The following TRHDE variants were observed in gnomAD, a reference collection of about 807,000 sequenced individuals.
TRHDE encodes the protein thyrotropin releasing hormone degrading enzyme, also known as thyrotropin-releasing hormone-degrading ectoenzyme.
TRHDE carries 72 observed loss-of-function variants against 125.7 expected under a neutral mutation model. That is an observed-to-expected ratio of 0.57 (90% CI 0.47 to 0.70). TRHDE has a LOEUF of 0.70. Among genes scored for constraint, TRHDE ranks in the 30% least tolerant of loss-of-function variants. The pLI, the probability that TRHDE is intolerant of heterozygous loss-of-function variation, is 0.00. For missense variants in TRHDE, 1,110 were observed against 1,327.1 expected (o/e 0.84, Z 2.54); for synonymous variants, 509 against 509.1 (o/e 1.00, Z 0.00).
chr12:72,310,807 A>G (rs118054961), intron 2 of TRHDE, among the ~76,000 whole-genome samples: 361 of 152,184 alleles, frequency 2.4e-3, no homozygotes, highest in Non-Finnish European at 4.0e-3. Context: ...AATCAATACC[A>G]ATTTCAGCTT....
chr12:72,212,240 A>G (rs1291425312), intron 2 of TRHDE, among the ~76,000 whole-genome samples: 3 of 152,148 alleles, frequency 2.0e-5, no homozygotes, highest in Non-Finnish European at 4.4e-5. Flanking sequence ...ACAAAACAAT[A>G]AAATTGAACC....
At chr12:72,128,824 G>A (rs1346792227) in intron 2 of TRHDE, among the ~76,000 whole-genome samples, 7 of 152,062 alleles carry the variant, frequency 4.6e-5, no homozygotes, top group East Asian at 1.9e-4. Context: ...CATGTAATTC[G>A]GGTCTCTAAA....
intron 3 of TRHDE, among the ~76,000 whole-genome samples, chr12:72,454,944 T>A (rs1367208329): frequency 2.0e-5 from 3 of 151,938 alleles, no homozygotes; most frequent in Non-Finnish European, 4.4e-5. Context: ...TTTATTTGCT[T>A]CCATCCTAAC....
intron 1 of TRHDE, among the ~76,000 whole-genome samples, chr12:72,098,769 T>A (rs941327930): frequency 3.3e-5 from 5 of 152,176 alleles, no homozygotes; most frequent in African/African-American, 1.2e-4. Context: ...AGTGAGGCCA[T>A]CTTGCACCTC....
At chr12:72,592,346 G>A (rs1382528688) in intron 12 of TRHDE, among the ~76,000 whole-genome samples, 2 of 152,000 alleles carry the variant, frequency 1.3e-5, no homozygotes, top group Non-Finnish European at 2.9e-5. Context: ...TCTTACCTGA[G>A]TTTTACATAC....
chr12:72,355,617 C>A (rs552954440), intron 2 of TRHDE, among the ~76,000 whole-genome samples: 4 of 151,990 alleles, frequency 2.6e-5, no homozygotes, highest in African/African-American at 9.6e-5. Flanking sequence ...AGTAAACAGA[C>A]AACCTACAGA....
At chr12:72,564,958 T>TATGA (rs752141291) in intron 9 of TRHDE, among the ~76,000 whole-genome samples, 5 of 151,924 alleles carry the variant, frequency 3.3e-5, no homozygotes, top group African/African-American at 7.2e-5. Context: ...GAGCCATATG[T>TATGA]ATGATTTTGA....
At chr12:72,338,093 G>C (rs1040319159) in intron 2 of TRHDE, among the ~76,000 whole-genome samples, 1 of 152,162 alleles carries the variant, frequency 6.6e-6, no homozygotes, top group Non-Finnish European at 1.5e-5. Context: ...AAGTGTCGCT[G>C]TGCCTGCTTA....
At chr12:72,440,896 C>G (rs1448876477) in intron 3 of TRHDE, among the ~76,000 whole-genome samples, 2 of 151,800 alleles carry the variant, frequency 1.3e-5, no homozygotes, top group Non-Finnish European at 2.9e-5. Flanking sequence ...ACTTCAACTG[C>G]AAAAGATAGA....
chr12:72,407,147 G>T (rs775572056), intron 3 of TRHDE, among the ~76,000 whole-genome samples: 4 of 152,084 alleles, frequency 2.6e-5, no homozygotes, highest in Non-Finnish European at 5.9e-5. Context: ...GGAGAGAAAT[G>T]GTCTGTTCTT....
chr12:72,431,372 T>C (rs950264224), intron 3 of TRHDE, among the ~76,000 whole-genome samples: 2 of 152,192 alleles, frequency 1.3e-5, no homozygotes, highest in African/African-American at 4.8e-5. Flanking sequence ...ACAAGCCAAA[T>C]GCTGACATTG....
intron 2 of TRHDE, among the ~76,000 whole-genome samples, chr12:72,316,670 C>T (rs944155434): frequency 5.9e-5 from 9 of 152,174 alleles, no homozygotes; most frequent in Non-Finnish European, 1.3e-4. Flanking sequence ...TGGTTTGTTT[C>T]ACTCACTGAT....
chr12:72,477,010 C>T (rs573063638), intron 5 of TRHDE, among the ~76,000 whole-genome samples: 2 of 152,198 alleles, frequency 1.3e-5, no homozygotes, highest in South Asian at 4.1e-4. Flanking sequence ...AAGTATGATA[C>T]AAGTCAGGGG....
chr12:72,142,358 C>T lies in TRHDE; in HGVS notation n.279+36606C>T, dbSNP rs186461258. Among the ~76,000 whole-genome samples, 684 of 152,260 alleles carry T rather than the reference C, an allele frequency of 4.5e-3. 28 individuals are homozygous for T. Among genetic ancestry groups the T allele is most frequent in the Non-Finnish European group, 8.4e-4 (57 of 68,032 alleles). ...ATAAACCTCCACTTCTGCTCTGGAA[C>T]GTGCCTTGGTCTCTTTTTGGCTTTA... On this transcript the variant is annotated intron_variant and non_coding_transcript_variant, in intron 2 of 4. Coordinates refer to the TRHDE transcript ENST00000548156.
chr12:72,357,659 G>A (rs1422798760), intron 2 of TRHDE, among the ~76,000 whole-genome samples: 1 of 151,464 alleles, frequency 6.6e-6, no homozygotes, highest in African/African-American at 2.4e-5. Flanking sequence ...GAATAGTGCT[G>A]CAATGACCAT....
intron 1 of TRHDE, among the ~76,000 whole-genome samples, chr12:72,281,644 A>T (rs1879700904): frequency 6.6e-6 from 1 of 152,226 alleles, no homozygotes. Context: ...CGGATTCCAC[A>T]GTGAAATGCC....
chr12:72,409,084 A>C (rs1873387322), intron 3 of TRHDE, among the ~76,000 whole-genome samples: 4 of 152,216 alleles, frequency 2.6e-5, no homozygotes, highest in Admixed American at 2.6e-4. Context: ...ACACACTTGA[A>C]TATATCATAG....
intron 2 of TRHDE, among the ~76,000 whole-genome samples, chr12:72,120,924 C>G (rs943754036): frequency 6.6e-6 from 1 of 151,848 alleles, no homozygotes; most frequent in Non-Finnish European, 1.5e-5. Flanking sequence ...GTGGTCTGCC[C>G]CACTCAGCCT....
rs560381055 is a variant in TRHDE at position 72,153,447 on chromosome 12, G to T, written n.279+47695G>T. 9.9e-5 allele frequency among the ~76,000 whole-genome samples: 15 copies of T among 152,218 alleles called. No individual in the cohort carries two copies. In the South Asian group the frequency reaches 3.1e-3, roughly 32 times the overall value. ...TCTTGCCTTCTGCTAGCTTTTGAATGTGTTTGCTCTTGTTTCTCTAGTTCT... is the reference window on the plus strand; with the variant it reads ...TCTTGCCTTCTGCTAGCTTTTGAATTTGTTTGCTCTTGTTTCTCTAGTTCT... On this transcript the variant is annotated intron_variant and non_coding_transcript_variant, in intron 2 of 4. Transcript: ENST00000548156.
Sources: gnomAD v4.1 joint callset for allele counts (sites outside exome capture counted in the v4.1 genomes callset) on GRCh38, gnomAD v4.1.1 for gene constraint, MANE v1.5 for transcripts, NCBI Gene and HGNC (gene_info 2026-07-23, HGNC 2026-07-21) for gene names.